Variants in ATRX observed in about 807,000 individuals in gnomAD.
ATRX encodes ATRX chromatin remodeler.
Under a neutral mutation model 172.6 loss-of-function variants are expected in ATRX, and 12 were observed. That is an observed-to-expected ratio of 0.07 (90% CI 0.04 to 0.11). The LOEUF is 0.11. Among genes scored for constraint, ATRX ranks in the 10% least tolerant of loss-of-function variants. The pLI, the probability that ATRX is intolerant of heterozygous loss-of-function variation, is 1.00. For missense variants in ATRX, 1,368 were observed against 1,767.4 expected, an observed-to-expected ratio of 0.77 and a Z score of 4.05; for synonymous variants, 674 against 594.7, an observed-to-expected ratio of 1.13 and a Z score of -1.94.
At chrX:77,513,776 A>G (rs1030403405) in intron 34 of ATRX, among the ~76,000 whole-genome samples, 3 of 111,752 alleles carry the variant, frequency 2.7e-5, no homozygotes, top group Non-Finnish European at 5.6e-5. Flanking sequence ...GGAAACAGAA[A>G]TAAATAAAGG....
chrX:77,571,520 G>A (rs1231518771), intron 28 of ATRX, among the ~76,000 whole-genome samples: 3 of 111,575 alleles, frequency 2.7e-5, no homozygotes, highest in African/African-American at 9.8e-5. Context: ...AATAGAGATG[G>A]AGCATAAATT....
At chrX:77,536,197 G>A (rs1269783877) in intron 30 of ATRX, among the ~76,000 whole-genome samples, 3 of 111,049 alleles carry the variant, frequency 2.7e-5, no homozygotes, top group African/African-American at 9.8e-5. Context: ...CTACAGGGGT[G>A]TGTCACCATG....
chrX:77,678,131 G>A (rs1287473145), intron 9 of ATRX, among the ~76,000 whole-genome samples: 3 of 109,236 alleles, frequency 2.7e-5, no homozygotes, highest in Non-Finnish European at 5.7e-5. Flanking sequence ...GCTTGAACCC[G>A]GAAGGCAGAG....
intron 7 of ATRX, among the ~76,000 whole-genome samples, chrX:77,685,568 G>A (rs1569539655): frequency 8.9e-6 from 1 of 112,007 alleles, no homozygotes; most frequent in Non-Finnish European, 1.9e-5. Context: ...GGAGAAAAGG[G>A]AACCCTTGTA....
At chrX:77,604,118 C>T (rs5912625) in intron 22 of ATRX, among the ~76,000 whole-genome samples, 57,404 of 111,003 alleles carry the variant, frequency 0.52, 12,920 homozygotes, top group Non-Finnish European at 0.69. Flanking sequence ...TTCATCACTA[C>T]GACCTCAAAA....
intron 10 of ATRX, among the ~76,000 whole-genome samples, chrX:77,667,823 A>G (rs1412486527): frequency 1.8e-5 from 2 of 111,965 alleles, no homozygotes; most frequent in African/African-American, 6.5e-5. Flanking sequence ...GTAAGATCAT[A>G]ACATATAGAA....
intron 20 of ATRX, 116 bp from the exon 21 acceptor site, chrX:77,619,097 A>G (rs781996271): frequency 2.0e-6 from 1 of 502,539 alleles, no homozygotes; most frequent in South Asian, 3.4e-5. Flanking sequence ...AGCTATAAAG[A>G]AAGAATATCA....
chrX:77,779,661 A>G (rs981408028), intron 1 of ATRX, among the ~76,000 whole-genome samples: 1 of 112,497 alleles, frequency 8.9e-6, no homozygotes, highest in African/African-American at 3.2e-5. Context: ...TTAAGATGGC[A>G]GGAATTTTAT....
chrX:77,542,548 T>C (rs893011162), intron 30 of ATRX, among the ~76,000 whole-genome samples: 5 of 111,773 alleles, frequency 4.5e-5, no homozygotes, highest in Non-Finnish European at 7.5e-5. Context: ...GGAGGCATCA[T>C]GCTACCTGAC....
chrX:77,658,313 G>A (rs1189705182), intron 12 of ATRX, among the ~76,000 whole-genome samples: 2 of 112,188 alleles, frequency 1.8e-5, no homozygotes, highest in African/African-American at 6.5e-5. Context: ...ATCTCAATTC[G>A]ATCATGAGAA....
rs1269564860 is a variant in ATRX, at chrX:77,566,664, G to C, written c.6326+7586C>G. 2.7e-5 allele frequency among the ~76,000 whole-genome samples: 3 copies of C among 111,332 alleles called. No homozygotes were observed. In the Admixed American group the frequency reaches 2.9e-4, roughly 11 times the overall value. On this transcript the variant is annotated intron_variant, in intron 28 of 34. Transcript: ENST00000373344. ...GCTACTTGGGACGCTGAGGTGGGAG[G>C]ATGGCTTAAGCCTAGGAGGTCAAGG...
chrX:77,634,762 C>T, intron 16 of ATRX, 59 bp from the exon 17 acceptor site: 3 of 961,647 alleles, frequency 3.1e-6, no homozygotes, highest in South Asian at 2.0e-5. Context: ...ACTTCCTTTA[C>T]ATAAACACAT....
At chrX:77,708,742 T>G (rs782813110) in intron 2 of ATRX, among the ~76,000 whole-genome samples, 1 of 111,805 alleles carries the variant, frequency 8.9e-6, no homozygotes, top group African/African-American at 3.2e-5. Context: ...TAGGGGGTGA[T>G]AGCTAAAGGG....
rs1387997988 is a variant in ATRX, at chrX:77,506,901, T to C, written c.*1450A>G. On this transcript the variant is annotated 3_prime_UTR_variant, in exon 35 of 35. Transcript: ENST00000373344. ...GCAAAGCCCAAACCCAGTTTTCTTT[T>C]TTTTTTTTTTTTTTTTTTTTTTGGA... The C allele has an allele frequency of 6.9e-6, 1 of 144,706 alleles. No individual in the cohort carries two copies. The highest frequency in any genetic ancestry group is 1.3e-5 in the Non-Finnish European group (1 of 79,365). 11.9% of individuals were successfully genotyped at this position (144,706 alleles called of 1,213,427 possible). A position where few individuals can be genotyped will look rare whatever the true frequency, so the allele number is the denominator to read the frequency against.
At chrX:77,576,977 C>T (rs142379893) in intron 27 of ATRX, among the ~76,000 whole-genome samples, 12 of 111,684 alleles carry the variant, frequency 1.1e-4, no homozygotes, top group Admixed American at 9.5e-4. Context: ...AATTATGTTC[C>T]ACTGTATGTA....
intron 1 of ATRX, among the ~76,000 whole-genome samples, chrX:77,782,308 A>C (rs1263512014): frequency 5.3e-5 from 6 of 112,249 alleles, no homozygotes; most frequent in African/African-American, 9.7e-5. Context: ...AAGACATTCA[A>C]AATCTCTCAA....
At chrX:77,664,850 C>A in intron 10 of ATRX, 72 bp from the exon 11 acceptor site, 1 of 977,650 alleles carries the variant, frequency 1.0e-6, no homozygotes, top group Non-Finnish European at 1.4e-6. Flanking sequence ...AAAATAAAAA[C>A]AGACTTCTTT....
At chrX:77,636,915 G>A (rs1366343928) in intron 15 of ATRX, among the ~76,000 whole-genome samples, 1 of 98,889 alleles carries the variant, frequency 1.0e-5, no homozygotes, top group Non-Finnish European at 2.0e-5. Context: ...GAAGAAGGAA[G>A]AAGGAAGAAG....
chrX:77,692,897 AT>A (rs1398538021), intron 6 of ATRX, among the ~76,000 whole-genome samples: 1 of 62,176 alleles, frequency 1.6e-5, no homozygotes, highest in African/African-American at 5.8e-5. Context: ...GTGTGTTTTA[AT>A]TTTTTTGAGA....
Sources: gnomAD v4.1 joint callset for allele counts (sites outside exome capture counted in the v4.1 genomes callset) on GRCh38, gnomAD v4.1.1 for gene constraint, MANE v1.5 for transcripts, NCBI Gene and HGNC (gene_info 2026-07-23, HGNC 2026-07-21) for gene names.